INSYN2B: variants seen among roughly 807,000 people sequenced by gnomAD.
The protein encoded by INSYN2B is protein INSYN2B.
In INSYN2B, 16 loss-of-function variants were observed where a neutral mutation model predicts 41.2. The observed-to-expected ratio is 0.39, with a 90% confidence interval of 0.26 to 0.59. The LOEUF is 0.59. Ranked by LOEUF, INSYN2B falls within the 20% of genes least tolerant of loss-of-function variation. The pLI is 0.57. For synonymous variants in INSYN2B, 245 were observed against 244.4 expected (o/e 1.00, Z -0.02); for missense variants, 608 against 646.4 (o/e 0.94, Z 0.64).
chr5:169,922,446 G>A (rs955026813), intron 1 of INSYN2B, among the ~76,000 whole-genome samples: 15 of 152,352 alleles, frequency 9.8e-5, no homozygotes, highest in African/African-American at 3.6e-4. Flanking sequence ...TCAGTTTAGA[G>A]CTTTCTGAAC....
chr5:169,864,868 G>C (rs1328213002), intron 3 of INSYN2B, among the ~76,000 whole-genome samples: 1 of 152,148 alleles, frequency 6.6e-6, no homozygotes, highest in Non-Finnish European at 1.5e-5. Context: ...TCTGTAAAAT[G>C]GGGGTAATAA....
Position 169,864,321 on chromosome 5 carries a change from T to C in INSYN2B, c.1560A>G (p.Leu520=), listed in dbSNP as rs1368887508. The part of the protein sequence containing the change: ...AEPPAPEKQD[L]RRKTKKVKKK... ...TTTTCACCTTCTTGGTTTTCCGCCT[T>C]AAGTCCTGCTTTTCCGGGGCTGGGG... The change falls in exon 4 of 4, where the codon TTA becomes TTG. Residue 520 remains leucine (L), a synonymous_variant. Coordinates refer to ENST00000377365, the MANE Select transcript of INSYN2B (RefSeq NM_001129891.3). 1 of 1,551,532 alleles carries C rather than the reference T, an allele frequency of 6.4e-7. No homozygotes were observed. Among genetic ancestry groups the C allele is most frequent in the Non-Finnish European group, 8.7e-7 (1 of 1,146,958 alleles).
chr5:169,953,911 G>A (rs1776765254), intron 1 of INSYN2B, among the ~76,000 whole-genome samples: 1 of 152,248 alleles, frequency 6.6e-6, no homozygotes, highest in Admixed American at 6.5e-5. Context: ...AATGGTAATT[G>A]TAACTACCTC....
chr5:169,950,597 G>C (rs905066805), intron 1 of INSYN2B, among the ~76,000 whole-genome samples: 33 of 152,266 alleles, frequency 2.2e-4, no homozygotes, highest in African/African-American at 7.5e-4. Context: ...TCTTGCACCT[G>C]GATCATGCTA....
At chr5:169,903,042 G>A (rs1382911977) in intron 1 of INSYN2B, among the ~76,000 whole-genome samples, 3 of 151,856 alleles carry the variant, frequency 2.0e-5, no homozygotes, top group East Asian at 1.9e-4. Context: ...AGGTTGCAGT[G>A]AGCTGAGATC....
At chr5:169,936,599 T>TA (rs1554119505) in intron 1 of INSYN2B, among the ~76,000 whole-genome samples, 2 of 130,786 alleles carry the variant, frequency 1.5e-5, no homozygotes, top group Admixed American at 7.4e-5. Context: ...TTTTTTTTTT[T>TA]ATGAATTAGC....
chr5:169,956,787 A>C (rs879319038), intron 1 of INSYN2B, among the ~76,000 whole-genome samples: 1 of 152,166 alleles, frequency 6.6e-6, no homozygotes, highest in Non-Finnish European at 1.5e-5. Context: ...GTTCAAATGT[A>C]ATCTTTCTCA....
intron 1 of INSYN2B, among the ~76,000 whole-genome samples, chr5:169,899,896 G>A (rs1008390484): frequency 6.6e-6 from 1 of 152,074 alleles, no homozygotes; most frequent in Non-Finnish European, 1.5e-5. Flanking sequence ...ATGCTATCAG[G>A]CATCTGCCCT....
chr5:169,874,305 C>T (rs749260018), intron 3 of INSYN2B, among the ~76,000 whole-genome samples: 8 of 149,572 alleles, frequency 5.3e-5, no homozygotes, highest in Non-Finnish European at 7.4e-5. Flanking sequence ...CCCAGCTACT[C>T]AGGAGGCTGA....
intron 1 of INSYN2B, among the ~76,000 whole-genome samples, chr5:169,902,686 A>AT (rs1337441717): frequency 6.6e-6 from 1 of 152,042 alleles, no homozygotes; most frequent in African/African-American, 2.4e-5. Flanking sequence ...TCCTGACTGT[A>AT]TTTTTTCCTC....
intron 1 of INSYN2B, among the ~76,000 whole-genome samples, chr5:169,911,427 A>G (rs903180580): frequency 1.2e-4 from 18 of 152,302 alleles, no homozygotes; most frequent in Admixed American, 7.8e-4. Context: ...TGTTCCCACT[A>G]CACTGAGCTG....
chr5:169,865,953 T>C (rs1270730660), intron 3 of INSYN2B, among the ~76,000 whole-genome samples: 2 of 152,232 alleles, frequency 1.3e-5, no homozygotes, highest in Non-Finnish European at 2.9e-5. Flanking sequence ...GCCGTTGCCA[T>C]GCATGACGAA....
At chr5:169,885,973 G>C (rs530210054) in intron 1 of INSYN2B, among the ~76,000 whole-genome samples, 1 of 152,220 alleles carries the variant, frequency 6.6e-6, no homozygotes, top group South Asian at 2.1e-4. Context: ...TTGAACCCAG[G>C]TGTCTGTCAT....
intron 1 of INSYN2B, among the ~76,000 whole-genome samples, chr5:169,971,413 C>G (rs1385104138): frequency 4.2e-5 from 6 of 144,478 alleles, no homozygotes; most frequent in Non-Finnish European, 7.5e-5. Flanking sequence ...CCTTCTGCCC[C>G]TTTCCTCCTA....
intron 1 of INSYN2B, among the ~76,000 whole-genome samples, chr5:169,892,915 T>C (rs1184844947): frequency 6.6e-6 from 1 of 152,120 alleles, no homozygotes; most frequent in Admixed American, 6.5e-5. Flanking sequence ...TCTTCTCTTC[T>C]GTTTTCTCCA....
At chr5:169,969,827 G>A (rs1285861797) in intron 1 of INSYN2B, among the ~76,000 whole-genome samples, 3 of 152,256 alleles carry the variant, frequency 2.0e-5, no homozygotes, top group Non-Finnish European at 4.4e-5. Flanking sequence ...GAAAGGGCCT[G>A]CTCTCTTCAG....
In INSYN2B at chr5:169,894,564, G is replaced by C. The variant is rs186808596; in HGVS notation, c.-918-9748C>G. The stretch of plus-strand genomic sequence containing the variant: ...AAGAATTTTCACAAGGGGAAGAGAA[G>C]GGGGGAAGTTTATGGTCTGATCTAA... On this transcript the variant is annotated intron_variant, in intron 1 of 3. Coordinates refer to ENST00000377365, the MANE Select transcript of INSYN2B (RefSeq NM_001129891.3). Among the ~76,000 whole-genome samples the C allele has an allele frequency of 2.4e-3, 357 of 150,404 alleles. 1 individual carries two copies. The highest frequency in any genetic ancestry group is 7.8e-3 in the African/African-American group (323 of 41,430).
At chr5:169,915,611 GA>G (rs1774833296) in intron 1 of INSYN2B, among the ~76,000 whole-genome samples, 1 of 151,482 alleles carries the variant, frequency 6.6e-6, no homozygotes, top group African/African-American at 2.4e-5. Flanking sequence ...CAGAGGGAGG[GA>G]GGGGAGAGAG....
intron 1 of INSYN2B, among the ~76,000 whole-genome samples, chr5:169,913,989 A>G (rs1018695689): frequency 1.3e-5 from 2 of 152,202 alleles, no homozygotes; most frequent in Non-Finnish European, 2.9e-5. Context: ...GTCCTGACCC[A>G]TATCACACAG....
Sources: allele counts gnomAD v4.1 joint callset (sites outside exome capture counted in the v4.1 genomes callset), GRCh38; gene constraint gnomAD v4.1.1; transcripts MANE v1.5; gene names NCBI Gene and HGNC (gene_info 2026-07-23, HGNC 2026-07-21).